Variants in FCRL1 observed in about 807,000 individuals in gnomAD.
FCRL1 encodes the protein Fc receptor-like protein 1.
Under a neutral mutation model 49.2 loss-of-function variants are expected in FCRL1, and 34 were observed. That is an observed-to-expected ratio of 0.69 (90% CI 0.53 to 0.92). The LOEUF is 0.92. FCRL1 is among the 40% of genes least tolerant of loss of function. FCRL1 has a pLI of 0.00. For missense variants in FCRL1, 524 were observed against 524.1 expected (o/e 1.00, Z 0.00); for synonymous variants, 218 against 201.6 (o/e 1.08, Z -0.69).
rs781209367 is a variant in FCRL1, at chr1:157,820,085, A to G, written c.-48T>C. ...CCTAGAGATGCCTCTCATCAAAAAA[A>G]GAATGCACCTCAGAGTCGAGCAGCA... On this transcript the variant is annotated 5_prime_UTR_variant, in exon 1 of 11. Transcript: ENST00000368176. 6.2e-7 allele frequency: 1 copy of G among 1,608,644 alleles called. No homozygotes were observed. The highest frequency in any genetic ancestry group is 8.5e-7 in the Non-Finnish European group (1 of 1,175,070).
chr1:157,802,091 G>A lies in FCRL1; in HGVS notation c.710C>T (p.Pro237Leu), dbSNP rs751078246. The change falls in exon 5 of 11, where the codon CCG (proline) becomes CTG (leucine). Residue 237 changes from proline to leucine, a missense_variant. Pro to Leu is a moderately conservative substitution (Grantham distance 98, BLOSUM62 -3). Transcript: ENST00000368176. ...LHCEALRGSP[P>L]ILYWFYHEDI... Reference sequence around the variant, plus strand: ...CTCGTGATAAAACCAGTACAGGATCGGAGGAGAGCCTCTCAGGGCCTCACA... The same window carrying A: ...CTCGTGATAAAACCAGTACAGGATCAGAGGAGAGCCTCTCAGGGCCTCACA... 12 of 1,614,072 alleles carry A rather than the reference G, an allele frequency of 7.4e-6. No homozygotes were observed. In the East Asian group the frequency reaches 8.9e-5, roughly 12 times the overall value.
intron 3 of FCRL1, 71 bp from the exon 4 acceptor site, chr1:157,802,735 C>G: frequency 1.4e-6 from 2 of 1,472,262 alleles, no homozygotes; most frequent in South Asian, 1.3e-5. Context: ...GTAGATATGA[C>G]GGTCCTGAAA....
chr1:157,797,819 T>G, intron 9 of FCRL1, 49 bp downstream of exon 9: 1 of 1,613,856 alleles, frequency 6.2e-7, no homozygotes, highest in Non-Finnish European at 8.5e-7. Flanking sequence ...GTTCTCTTGG[T>G]TCTGGGAAAG....
At chr1:157,800,925 C>T (rs1325889058) in intron 6 of FCRL1, among the ~76,000 whole-genome samples, 2 of 151,874 alleles carry the variant, frequency 1.3e-5, no homozygotes, top group African/African-American at 4.8e-5. Context: ...CAGAGTCTCA[C>T]TCTGTCACCA....
rs1651758035 is a variant in FCRL1 at position 157,797,770 on chromosome 1, C to G, written c.1186+98G>C. 6.9e-6 allele frequency: 11 copies of G among 1,603,136 alleles called. No homozygotes were observed. The East Asian group carries it at 2.5e-4, about 36-fold the overall frequency. The stretch of plus-strand genomic sequence containing the variant: ...ACAGTGATGCTCACAGCCTTCTGCT[C>G]TGAGGAATGCTGTTGTCTGCCATGC... On this transcript the variant is annotated intron_variant, in intron 9 of 10. Coordinates refer to ENST00000368176, the MANE Select transcript of FCRL1 (RefSeq NM_052938.5).
rs147415386 is a variant in FCRL1 at position 157,802,011 on chromosome 1, G to T, written c.790C>A (p.Leu264Ile). ...APSGGGASFN[L>I]SLTEEHSGNY... ...CCAGAATGTTCTTCAGTCAGGGAAA[G>T]GTTGAAGGAGGCTCCTCCTCCAGAG... The change falls in exon 5 of 11, where the codon CTT becomes ATT. Residue 264 changes from leucine (L) to isoleucine (I), a missense_variant. Leu to Ile is a conservative substitution (Grantham distance 5). Coordinates refer to ENST00000368176, the MANE Select transcript of FCRL1 (RefSeq NM_052938.5). The T allele has an allele frequency of 9.8e-5, 158 of 1,614,260 alleles. No individual in the cohort carries two copies. In the African/African-American group the frequency reaches 1.9e-3, roughly 19 times the overall value.
At chr1:157,815,153 C>G (rs1367888676) in intron 1 of FCRL1, among the ~76,000 whole-genome samples, 1 of 151,932 alleles carries the variant, frequency 6.6e-6, no homozygotes, top group Non-Finnish European at 1.5e-5. Context: ...GCAGAATTCA[C>G]ATTTTTCTCA....
intron 2 of FCRL1, 129 bp from the exon 3 acceptor site, chr1:157,804,240 G>A (rs1653013967): frequency 9.2e-6 from 10 of 1,085,256 alleles, no homozygotes; most frequent in South Asian, 1.6e-5. Flanking sequence ...CACCCTACAT[G>A]TCTCCACCCC....
At chr1:157,806,183 A>G (rs1653407609) in intron 2 of FCRL1, among the ~76,000 whole-genome samples, 1 of 152,220 alleles carries the variant, frequency 6.6e-6, no homozygotes, top group Non-Finnish European at 1.5e-5. Flanking sequence ...CAAGGCATGC[A>G]TGGTGTTAAC....
chr1:157,802,326 G>A, intron 4 of FCRL1, 51 bp downstream of exon 4: 1 of 1,595,626 alleles, frequency 6.3e-7, no homozygotes, highest in Non-Finnish European at 8.5e-7. Context: ...CCAGGGAAAT[G>A]TGGAGCCCAG....
At chr1:157,797,829 G>C (rs779721970) in intron 9 of FCRL1, 39 bp downstream of exon 9, 1 of 1,614,018 alleles carries the variant, frequency 6.2e-7, no homozygotes. Context: ...TTCTGGGAAA[G>C]ACAAAAGTCA....
chr1:157,798,235 G>A lies in FCRL1; in HGVS notation c.1040C>T (p.Pro347Leu). 6.2e-7 allele frequency: 1 copy of A among 1,610,590 alleles called. No individual in the cohort carries two copies. The change falls in exon 8 of 11, where the codon CCC becomes CTC. Residue 347 changes from proline to leucine, a missense_variant. Pro to Leu is a moderately conservative substitution (Grantham distance 98). Coordinates refer to ENST00000368176, the MANE Select transcript of FCRL1 (RefSeq NM_052938.5). ...RSARDPLRSL[P>L]SPLPQEFTYL... is the part of the protein sequence containing the mutation. Reference sequence around the variant, plus strand: ...GGTGAACTCTTGGGGTAGAGGGCTGGGAAGGCTCCTGCAAACACAGAGACA... The same window carrying A: ...GGTGAACTCTTGGGGTAGAGGGCTGAGAAGGCTCCTGCAAACACAGAGACA...
At chr1:157,811,917 C>T (rs115998111) in intron 1 of FCRL1, among the ~76,000 whole-genome samples, 2,363 of 152,296 alleles carry the variant, frequency 0.016, 52 homozygotes, top group African/African-American at 0.054. Context: ...CAGCTGTGAT[C>T]CTGTCACTTG....
At chr1:157,812,428 G>C (rs10443905) in intron 1 of FCRL1, among the ~76,000 whole-genome samples, 66,927 of 151,976 alleles carry the variant, frequency 0.44, 15,065 homozygotes, top group African/African-American at 0.53. Context: ...AGAGTCACCA[G>C]TATGTAATAC....
At chr1:157,804,243 T>TCCCCCC (rs1210810717) in intron 2 of FCRL1, 132 bp from the exon 3 acceptor site, 1 of 1,000,006 alleles carries the variant, frequency 1.0e-6, no homozygotes, top group African/African-American at 2.3e-5. Flanking sequence ...CCTACATGTC[T>TCCCCCC]CCACCCCCCC....
chr1:157,802,932 A>AT (rs919528325), intron 3 of FCRL1, among the ~76,000 whole-genome samples: 1 of 152,120 alleles, frequency 6.6e-6, no homozygotes, highest in Admixed American at 6.5e-5. Flanking sequence ...TCAAACTTTC[A>AT]TTTTTTCAAG....
chr1:157,796,599 GCA>G (rs1206001673), intron 10 of FCRL1, among the ~76,000 whole-genome samples: 1 of 152,208 alleles, frequency 6.6e-6, no homozygotes, highest in South Asian at 2.1e-4. Context: ...TTGCACACAT[GCA>G]CAGAGCTGGA....
chr1:157,807,189 C>T (rs1481212855), intron 1 of FCRL1, 67 bp from the exon 2 acceptor site: 5 of 1,554,828 alleles, frequency 3.2e-6, no homozygotes, highest in Non-Finnish European at 4.4e-6. Context: ...AGTTTAAATC[C>T]TTTGAGAGCT....
intron 1 of FCRL1, among the ~76,000 whole-genome samples, chr1:157,810,023 G>A (rs549776007): frequency 2.0e-5 from 3 of 152,288 alleles, no homozygotes; most frequent in South Asian, 4.1e-4. Context: ...CAAATTAAAA[G>A]TGTTTCAAAA....
Sources: gnomAD v4.1 joint callset for allele counts (sites outside exome capture counted in the v4.1 genomes callset) on GRCh38, gnomAD v4.1.1 for gene constraint, MANE v1.5 for transcripts, NCBI Gene and HGNC (gene_info 2026-07-23, HGNC 2026-07-21) for gene names.